SIPA1L1: variants seen among roughly 807,000 people sequenced by gnomAD.
SIPA1L1 encodes signal-induced proliferation-associated 1-like protein 1.
SIPA1L1 carries 26 observed loss-of-function variants against 162.7 expected under a neutral mutation model. The observed-to-expected ratio is 0.16, with a 90% confidence interval of 0.12 to 0.22. The LOEUF is 0.22. Ranked by LOEUF, SIPA1L1 falls within the 10% of genes least tolerant of loss-of-function variation. The pLI is 1.00. For missense variants in SIPA1L1, 1,874 were observed against 2,241.0 expected (o/e 0.84, Z 3.31); for synonymous variants, 829 against 837.4 (o/e 0.99, Z 0.17).
intron 1 of SIPA1L1, among the ~76,000 whole-genome samples, chr14:71,320,750 A>AC (rs1389547543): frequency 1.4e-5 from 2 of 140,066 alleles, no homozygotes; most frequent in Non-Finnish European, 3.1e-5. Flanking sequence ...CGGAGCCCGG[A>AC]CCCCCGCACT....
chr14:71,502,249 AAAAAAAATATAT>A (rs1421314609), intron 2 of SIPA1L1, among the ~76,000 whole-genome samples: 16 of 67,080 alleles, frequency 2.4e-4, no homozygotes, highest in African/African-American at 1.0e-3. Flanking sequence ...CTTGAAAAAA[AAAAAAAATATAT>A]ATATATATAT....
intron 4 of SIPA1L1, among the ~76,000 whole-genome samples, chr14:71,535,030 T>C (rs972965345): frequency 6.6e-6 from 1 of 152,154 alleles, no homozygotes; most frequent in African/African-American, 2.4e-5. Context: ...AAGTAGAAAA[T>C]GCAGGTAAAC....
chr14:71,690,345 C>A (rs183569796), intron 13 of SIPA1L1, among the ~76,000 whole-genome samples: 16 of 152,058 alleles, frequency 1.1e-4, no homozygotes, highest in African/African-American at 2.9e-4. Context: ...TTCAAGCCAT[C>A]CTCCCACCTC....
At chr14:71,698,714 C>A (rs2081848232) in intron 13 of SIPA1L1, among the ~76,000 whole-genome samples, 1 of 152,208 alleles carries the variant, frequency 6.6e-6, no homozygotes, top group East Asian at 1.9e-4. Context: ...ATTCTGGCAG[C>A]TTTTGGAAGC....
At chr14:71,419,569 C>T (rs1265221072) in intron 2 of SIPA1L1, among the ~76,000 whole-genome samples, 1 of 146,964 alleles carries the variant, frequency 6.8e-6, no homozygotes, top group Non-Finnish European at 1.5e-5. Context: ...GCAATCTCGG[C>T]TCACTGCAAG....
intron 7 of SIPA1L1, among the ~76,000 whole-genome samples, chr14:71,635,223 A>G (rs1252799676): frequency 6.6e-6 from 1 of 150,548 alleles, no homozygotes; most frequent in Admixed American, 6.6e-5. Context: ...ACATTGCAGT[A>G]AGCTGAGATC....
At chr14:71,355,735 C>T (rs543787058) in intron 2 of SIPA1L1, among the ~76,000 whole-genome samples, 2 of 152,180 alleles carry the variant, frequency 1.3e-5, no homozygotes, top group South Asian at 2.1e-4. Flanking sequence ...AGGGAAGGTT[C>T]GAAGTGTTGA....
chr14:71,394,208 C>CTT (rs1020229310), intron 2 of SIPA1L1, among the ~76,000 whole-genome samples: 1 of 152,324 alleles, frequency 6.6e-6, no homozygotes, highest in South Asian at 2.1e-4. Flanking sequence ...GGCACTCATC[C>CTT]TTTCTCTCAT....
chr14:71,710,272 A>G (rs1372619867), intron 17 of SIPA1L1, among the ~76,000 whole-genome samples: 2 of 152,220 alleles, frequency 1.3e-5, no homozygotes, highest in African/African-American at 2.4e-5. Context: ...ATTCCCCTGT[A>G]TCCTTGGAGA....
intron 2 of SIPA1L1, among the ~76,000 whole-genome samples, chr14:71,390,777 C>T (rs1010454926): frequency 1.3e-5 from 2 of 151,926 alleles, no homozygotes; most frequent in African/African-American, 4.8e-5. Flanking sequence ...AGAATGAGAT[C>T]CCACCTCAAA....
In SIPA1L1 at chr14:71,705,254, G is replaced by A. The variant is rs1275184009; in HGVS notation, c.3679G>A (p.Val1227Ile). ...ATGCCATCTCCCAGCAGTATCAAAGGTACTGCCAGCTTTCCGAGAGAGCCC... is the reference window on the plus strand; with the variant it reads ...ATGCCATCTCCCAGCAGTATCAAAGATACTGCCAGCTTTCCGAGAGAGCCC... ...PTCHLPAVSK[V>I]LPAFRESPSG... is the part of the protein sequence containing the mutation. The change falls in exon 16 of 24, where the codon GTA becomes ATA. Residue 1227 changes from valine (V) to isoleucine (I), a missense_variant. Coordinates refer to ENST00000381232, the MANE Select transcript of SIPA1L1 (RefSeq NM_001386936.1). 1 of 1,613,816 alleles carries A rather than the reference G, an allele frequency of 6.2e-7. No homozygotes were observed. Among genetic ancestry groups the A allele is most frequent in the East Asian group, 2.2e-5 (1 of 44,890 alleles).
intron 2 of SIPA1L1, among the ~76,000 whole-genome samples, chr14:71,495,002 A>G (rs4902935): frequency 0.95 from 144,431 of 152,324 alleles, 68,553 homozygotes; most frequent in East Asian, 1. Flanking sequence ...GAAGTGCTGG[A>G]ATTACAGGTG....
chr14:71,627,988 T>G (rs2040201670), intron 7 of SIPA1L1, among the ~76,000 whole-genome samples: 1 of 152,166 alleles, frequency 6.6e-6, no homozygotes, highest in African/African-American at 2.4e-5. Flanking sequence ...TTCTGATGCT[T>G]AAAACTATGC....
At chr14:71,417,766 A>G (rs1372457370) in intron 2 of SIPA1L1, among the ~76,000 whole-genome samples, 1 of 152,186 alleles carries the variant, frequency 6.6e-6, no homozygotes, top group African/African-American at 2.4e-5. Context: ...AAGGGTCAAC[A>G]GTGCTAGACA....
intron 2 of SIPA1L1, among the ~76,000 whole-genome samples, chr14:71,380,756 C>G (rs142348461): frequency 6.6e-6 from 1 of 152,092 alleles, no homozygotes; most frequent in Non-Finnish European, 1.5e-5. Flanking sequence ...ATTTTTCAGG[C>G]CTTTTAGATC....
chr14:71,360,977 G>A (rs2037752111), intron 2 of SIPA1L1, among the ~76,000 whole-genome samples: 1 of 152,056 alleles, frequency 6.6e-6, no homozygotes, highest in African/African-American at 2.4e-5. Context: ...TTTGGCAGCA[G>A]TTTTTGAAAA....
chr14:71,523,173 T>G (rs1159744080), intron 3 of SIPA1L1, among the ~76,000 whole-genome samples: 1 of 152,146 alleles, frequency 6.6e-6, no homozygotes, highest in African/African-American at 2.4e-5. Flanking sequence ...TGTTTGGTTA[T>G]TTACAGTCCC....
At chr14:71,450,658 A>G (rs1244032304) in intron 2 of SIPA1L1, among the ~76,000 whole-genome samples, 2 of 152,200 alleles carry the variant, frequency 1.3e-5, no homozygotes, top group African/African-American at 4.8e-5. Context: ...ACCTGTTAGA[A>G]CGGCTGTTAG....
At chr14:71,320,707 C>A (rs547106267) in intron 1 of SIPA1L1, among the ~76,000 whole-genome samples, 24 of 150,574 alleles carry the variant, frequency 1.6e-4, no homozygotes, top group Admixed American at 1.5e-3. Context: ...TCCTCATCCC[C>A]CCCCCGGCAA....
Sources: gnomAD v4.1 joint callset for allele counts (sites outside exome capture counted in the v4.1 genomes callset) on GRCh38, gnomAD v4.1.1 for gene constraint, MANE v1.5 for transcripts, NCBI Gene and HGNC (gene_info 2026-07-23, HGNC 2026-07-21) for gene names.